The following GNAI1 variants were observed in gnomAD, a reference collection of about 807,000 sequenced individuals.
GNAI1 encodes the protein guanine nucleotide-binding protein G(i) subunit alpha-1.
A neutral mutation model predicts 38.9 loss-of-function variants in GNAI1; 11 were observed. The observed-to-expected ratio is 0.28, with a 90% CI of 0.18 to 0.47. The LOEUF (loss-of-function observed/expected upper bound fraction) is 0.47, where lower values mean the gene tolerates loss of function less well. Ranked by LOEUF, GNAI1 falls within the 20% of genes least tolerant of loss-of-function variation. The pLI is 0.99. For missense variants in GNAI1, 317 were observed against 436.9 expected, an observed-to-expected ratio of 0.73 and a Z score of 2.45; for synonymous variants, 166 against 145.1, an observed-to-expected ratio of 1.14 and a Z score of -1.04.
intron 3 of GNAI1, among the ~76,000 whole-genome samples, 167 bp downstream of exon 3, chr7:80,189,398 T>C (rs574104845): frequency 6.6e-6 from 1 of 152,264 alleles, no homozygotes; most frequent in Admixed American, 6.5e-5. Flanking sequence ...GAGTGAAATA[T>C]TAGAATATGT....
At chr7:80,143,399 C>A (rs1447279731) in intron 1 of GNAI1, among the ~76,000 whole-genome samples, 1 of 152,058 alleles carries the variant, frequency 6.6e-6, no homozygotes, top group Non-Finnish European at 1.5e-5. Context: ...ATAAATCTGT[C>A]AGTTGTTTTC....
intron 1 of GNAI1, among the ~76,000 whole-genome samples, chr7:80,175,841 C>T (rs953032860): frequency 6.6e-6 from 1 of 152,180 alleles, no homozygotes; most frequent in Non-Finnish European, 1.5e-5. Context: ...TACCTCTCCT[C>T]AAACCTCCCT....
At chr7:80,171,169 A>G (rs1263519717) in intron 1 of GNAI1, among the ~76,000 whole-genome samples, 2 of 152,156 alleles carry the variant, frequency 1.3e-5, no homozygotes, top group Non-Finnish European at 2.9e-5. Flanking sequence ...TTACCTACGT[A>G]CGCCTTTTCT....
intron 1 of GNAI1, among the ~76,000 whole-genome samples, chr7:80,149,241 C>T (rs1376308341): frequency 6.6e-6 from 1 of 151,954 alleles, no homozygotes; most frequent in Non-Finnish European, 1.5e-5. Flanking sequence ...ACAGATATTC[C>T]ATAATTTGTT....
chr7:80,212,671 A>G (rs754663262), intron 6 of GNAI1, 45 bp from the exon 7 acceptor site: 6 of 1,269,608 alleles, frequency 4.7e-6, no homozygotes. Flanking sequence ...GTCCTCAAAA[A>G]TCCTTGCTGT....
chr7:80,197,807 GA>G (rs1294809694), intron 3 of GNAI1, among the ~76,000 whole-genome samples: 2 of 152,084 alleles, frequency 1.3e-5, no homozygotes, highest in Non-Finnish European at 2.9e-5. Context: ...CAGCTGAAAA[GA>G]AAATGTTTCA....
At position 80,156,614 on chromosome 7, in the gene GNAI1, C is replaced by T. The variant is rs371064950; in HGVS notation, c.118+21336C>T. ...CAGCCAATTTTTTAATTTTTTATTT[C>T]GTAGAGGTGGTATCTTGCTCTGTTT... On this transcript the variant is annotated intron_variant, in intron 1 of 7. Coordinates refer to ENST00000649796, the MANE Select transcript of GNAI1 (RefSeq NM_002069.6). Among the ~76,000 whole-genome samples the T allele has an allele frequency of 1.4e-4, 21 of 151,874 alleles. 2 individuals carry two copies. Among genetic ancestry groups the T allele is most frequent in the South Asian group, 1.0e-3 (5 of 4,818 alleles).
chr7:80,223,389 C>T lies in GNAI1; in HGVS notation c.*5896C>T, dbSNP rs188935899. On this transcript the variant is annotated 3_prime_UTR_variant, in exon 8 of 8. Coordinates refer to ENST00000649796, the MANE Select transcript of GNAI1 (RefSeq NM_002069.6). ...ATGTTTGTACAATTTCAGTGTAAAG[C>T]TAGTCTTCAAAATAAACCACTGTGA... Among the ~76,000 whole-genome samples the T allele has an allele frequency of 7.2e-4, 110 of 152,260 alleles. No homozygotes were observed. The highest frequency in any genetic ancestry group is 9.9e-4 in the Non-Finnish European group (67 of 68,010).
chr7:80,199,217 A>G lies in GNAI1; in HGVS notation c.304-8A>G. On this transcript the variant is annotated splice_region_variant and splice_polypyrimidine_tract_variant and intron_variant, in intron 3 of 7. Transcript: ENST00000649796. ...TTTTTACTTAAAAAATGTCCTTTGAATGTTCAGGATGATGCACGCCAACTC... is the reference window on the plus strand; with the variant it reads ...TTTTTACTTAAAAAATGTCCTTTGAGTGTTCAGGATGATGCACGCCAACTC... The G allele has an allele frequency of 6.3e-7, 1 of 1,581,614 alleles. No individual in the cohort carries two copies. Among genetic ancestry groups the G allele is most frequent in the Non-Finnish European group, 8.6e-7 (1 of 1,160,002 alleles).
intron 1 of GNAI1, among the ~76,000 whole-genome samples, chr7:80,146,056 C>T (rs1354935271): frequency 6.6e-6 from 1 of 152,164 alleles, no homozygotes; most frequent in Non-Finnish European, 1.5e-5. Context: ...ATTCCCTCTG[C>T]TTAGCCACAC....
chr7:80,150,153 A>G (rs570854761), intron 1 of GNAI1, among the ~76,000 whole-genome samples: 1 of 152,308 alleles, frequency 6.6e-6, no homozygotes, highest in African/African-American at 2.4e-5. Context: ...AAGGTTACAT[A>G]CCTTTGAATC....
Position 80,135,135 on chromosome 7 carries a change from G to A in GNAI1, c.-26G>A. On this transcript the variant is annotated 5_prime_UTR_variant, in exon 1 of 8. Coordinates refer to ENST00000649796, the MANE Select transcript of GNAI1 (RefSeq NM_002069.6). ...GCCCGCACTCGGGCGCGGAGGGAGC[G>A]GCGGCAGGCTCTCGCTTTCGGCACC... 1.4e-6 allele frequency: 2 copies of A among 1,443,490 alleles called. No individual in the cohort carries two copies. The highest frequency in any genetic ancestry group is 1.8e-6 in the Non-Finnish European group (2 of 1,081,832). The allele number at this position is 1,443,490 out of a possible 1,614,324, so 89.4% of individuals were successfully genotyped here. A position where few individuals can be genotyped will look rare whatever the true frequency, so the allele number is the denominator to read the frequency against.
intron 5 of GNAI1, among the ~76,000 whole-genome samples, chr7:80,205,414 C>T (rs963964308): frequency 1.3e-5 from 2 of 151,984 alleles, no homozygotes; most frequent in Admixed American, 1.3e-4. Context: ...AGCTGCAGAG[C>T]TTTATAGATA....
chr7:80,217,204 G>A (rs74877483), intron 7 of GNAI1, 99 bp from the exon 8 acceptor site: 1 of 514,054 alleles, frequency 1.9e-6, no homozygotes, highest in Non-Finnish European at 3.3e-6. Flanking sequence ...GAAACTGTAT[G>A]AAACTGACTT....
At chr7:80,217,221 C>CATATGTATGAAACTGACTTCAGTTTT in intron 7 of GNAI1, 82 bp from the exon 8 acceptor site, 3 of 905,062 alleles carry the variant, frequency 3.3e-6, no homozygotes, top group Non-Finnish European at 5.0e-6. Flanking sequence ...ACTTCAGTTT[C>CATATGTATGAAACTGACTTCAGTTTT]ATATGTATGA....
chr7:80,194,376 CTT>C (rs1788532783), intron 3 of GNAI1, among the ~76,000 whole-genome samples: 1 of 152,084 alleles, frequency 6.6e-6, no homozygotes, highest in Admixed American at 6.6e-5. Context: ...TGTATTAACT[CTT>C]TGTCCATTAA....
intron 7 of GNAI1, 116 bp from the exon 8 acceptor site, chr7:80,217,187 C>A: frequency 2.0e-5 from 3 of 151,534 alleles, no homozygotes; most frequent in East Asian, 3.2e-4. Context: ...TTAAGGAGTC[C>A]ATGAATGAAA....
chr7:80,135,186 A>G lies in GNAI1; in HGVS notation c.26A>G (p.Asp9Gly). The change falls in exon 1 of 8, where the codon GAC (aspartate) becomes GGC (glycine). Residue 9 changes from aspartate to glycine, a missense_variant. Physicochemically the swap from Asp to Gly is moderately conservative, Grantham distance 94. This residue lies in a region of GNAI1 where 37 missense variants were observed against 26.2 expected (regional missense o/e 1.41). Transcript: ENST00000649796. MGCTLSAE[D>G]KAAVERSKMI... ...ATGGGCTGCACGCTGAGCGCCGAGG[A>G]CAAGGCGGCGGTGGAGCGGAGTAAG... The G allele has an allele frequency of 6.5e-7, 1 of 1,549,280 alleles. No homozygotes were observed.
At chr7:80,192,414 A>G (rs532862273) in intron 3 of GNAI1, among the ~76,000 whole-genome samples, 10 of 152,292 alleles carry the variant, frequency 6.6e-5, no homozygotes, top group South Asian at 2.1e-4. Flanking sequence ...TATTCCGTCT[A>G]TTCCTCAGTG....
Sources: allele counts gnomAD v4.1 joint callset (sites outside exome capture counted in the v4.1 genomes callset), GRCh38; gene constraint gnomAD v4.1.1; regional missense constraint gnomAD v4.1.1; transcripts MANE v1.5; gene names NCBI Gene and HGNC (gene_info 2026-07-23, HGNC 2026-07-21).